Variants in MPPE1 observed in about 807,000 individuals in gnomAD.
The protein encoded by MPPE1 is metallophosphoesterase 1, also known as metallo phosphoesterase.
In MPPE1, 28 loss-of-function variants were observed where a neutral mutation model predicts 43.8. The ratio of observed to expected loss-of-function variants is 0.64; its 90% confidence interval spans 0.47 to 0.88. The LOEUF (loss-of-function observed/expected upper bound fraction) is 0.88. Ranked by LOEUF, MPPE1 falls within the 40% of genes least tolerant of loss-of-function variation. The probability of loss-of-function intolerance (pLI) is 0.00; values close to 1 mark genes in which losing one functional copy is unlikely to be tolerated. For synonymous variants in MPPE1, 159 were observed against 188.5 expected, an observed-to-expected ratio of 0.84 and a Z score of 1.28; for missense variants, 428 against 492.2, an observed-to-expected ratio of 0.87 and a Z score of 1.23.
chr18:11,907,860 C>T (rs1417842555), intron 1 of MPPE1: 2 of 151,894 alleles, frequency 1.3e-5, no homozygotes, highest in African/African-American at 4.8e-5. Context: ...ATCTAATCCC[C>T]CCAAAATATG....
Position 11,885,805 on chromosome 18 carries a change from C to G in MPPE1, c.879G>C (p.Trp293Cys), listed in dbSNP as rs777338026. The G allele has an allele frequency of 6.2e-7, 1 of 1,608,356 alleles. No individual in the cohort carries two copies. Among genetic ancestry groups the G allele is most frequent in the East Asian group, 2.2e-5 (1 of 44,736 alleles). ...CACTGAGAACCAGGCGCGGCTGGAG[C>G]CACCACAGCAGCTGACAGTGGCCGA... ...SREASQKLLW[W>C]LQPRLVLSGH... The change falls in exon 10 of 11, where the codon TGG (tryptophan) becomes TGC (cysteine). Residue 293 changes from tryptophan to cysteine, a missense_variant. This residue lies in a region of MPPE1 where 379 missense variants were observed against 402.5 expected (regional missense o/e 0.94). Coordinates refer to ENST00000588072, the MANE Select transcript of MPPE1 (RefSeq NM_023075.6).
rs781328723 is a variant in MPPE1 at position 11,886,645 on chromosome 18, T to C, written c.745-24A>G. The C allele has an allele frequency of 1.8e-5, 29 of 1,613,926 alleles. No homozygotes were observed. Among genetic ancestry groups the C allele is most frequent in the African/African-American group, 2.7e-5 (2 of 74,884 alleles). ...TGCTGTCCGGGGTGGAGAGAGGAGT[T>C]CAGGCGGCTATCGTGAAACCACAGG... On this transcript the variant is annotated intron_variant, in intron 8 of 10. Coordinates refer to ENST00000588072, the MANE Select transcript of MPPE1 (RefSeq NM_023075.6). The surrounding 1 kb of genome is among the most constrained non-coding windows in gnomAD (Gnocchi z 4.1).
chr18:11,904,159 A>G (rs1261444640), intron 2 of MPPE1, among the ~76,000 whole-genome samples: 2 of 146,976 alleles, frequency 1.4e-5, no homozygotes, highest in African/African-American at 2.4e-5. Flanking sequence ...AGGAAGGAGG[A>G]CAGTAGAAAA....
At position 11,897,121 on chromosome 18, in the gene MPPE1, C is replaced by T; in HGVS notation, c.144G>A (p.Gln48=). The change falls in exon 3 of 11, where the codon CAG becomes CAA. Residue 48 remains glutamine (Q), a synonymous_variant. Coordinates refer to ENST00000588072, the MANE Select transcript of MPPE1 (RefSeq NM_023075.6). Reference sequence around the variant, plus strand: ...TGGTTTTCACTTCAGGCCAATTACACTGAAAGATCGCTAAGTAATAGATTA... The same window carrying T: ...TGGTTTTCACTTCAGGCCAATTACATTGAAAGATCGCTAAGTAATAGATTA... ...EFLIYYLAIF[Q]CNWPEVKTTA... 1 of 1,468,216 alleles carries T rather than the reference C, an allele frequency of 6.8e-7. No homozygotes were observed. The highest frequency in any genetic ancestry group is 9.4e-7 in the Non-Finnish European group (1 of 1,058,496). The allele number at this position is 1,468,216 out of a possible 1,614,324, so 90.9% of individuals were successfully genotyped here. A position where few individuals can be genotyped will look rare whatever the true frequency, so the allele number is the denominator to read the frequency against.
intron 4 of MPPE1, among the ~76,000 whole-genome samples, chr18:11,890,123 T>C (rs1010210457): frequency 4.6e-5 from 7 of 151,112 alleles, no homozygotes; most frequent in Non-Finnish European, 1.0e-4. Flanking sequence ...TTTGTATTTT[T>C]AGTAGAGACG....
At chr18:11,890,093 C>T (rs1457833203) in intron 4 of MPPE1, among the ~76,000 whole-genome samples, 2 of 151,646 alleles carry the variant, frequency 1.3e-5, no homozygotes, top group East Asian at 2.0e-4. Flanking sequence ...CAGGCGCCCG[C>T]CACCACGCCC....
chr18:11,886,384 A>G lies in MPPE1; in HGVS notation c.867+115T>C, dbSNP rs2037249689. ...ACCCCTGTCCCCCCAGGTGATAACTAAGTCATGAACGTTTCAGCAAACACC... is the reference window on the plus strand; with the variant it reads ...ACCCCTGTCCCCCCAGGTGATAACTGAGTCATGAACGTTTCAGCAAACACC... On this transcript the variant is annotated intron_variant, in intron 9 of 10. Transcript: ENST00000588072. This position sits in a 1 kb window ranked among gnomAD's most constrained non-coding sequence, Gnocchi z 4.1. 1.3e-5 allele frequency: 19 copies of G among 1,439,844 alleles called. No homozygotes were observed. Among genetic ancestry groups the G allele is most frequent in the Non-Finnish European group, 1.8e-5 (19 of 1,033,280 alleles). 89.2% of individuals were successfully genotyped at this position (1,439,844 alleles called of 1,614,324 possible). A position where few individuals can be genotyped will look rare whatever the true frequency, so the allele number is the denominator to read the frequency against.
In MPPE1 at chr18:11,884,452, G is replaced by T. The variant is rs148471755; in HGVS notation, c.1184C>A (p.Thr395Lys). ...SGLNLLGKRK[T>K]R Reference sequence around the variant, plus strand: ...TATAATGGCGCCTGCTCTTCATCTTGTCTTACGCTTTCCGAGCAAGTTCAA... The same window carrying T: ...TATAATGGCGCCTGCTCTTCATCTTTTCTTACGCTTTCCGAGCAAGTTCAA... Residue 395 changes from threonine to lysine, a missense_variant, in exon 11 of 11, where the codon ACA (threonine) becomes AAA (lysine). This residue lies in a region of MPPE1 where 379 missense variants were observed against 402.5 expected (regional missense o/e 0.94). Transcript: ENST00000588072. The T allele has an allele frequency of 6.0e-5, 97 of 1,613,734 alleles. No homozygotes were observed. Among genetic ancestry groups the T allele is most frequent in the Non-Finnish European group, 7.9e-5 (93 of 1,179,880 alleles).
chr18:11,903,266 C>T (rs1056139682), intron 2 of MPPE1, among the ~76,000 whole-genome samples: 1 of 152,174 alleles, frequency 6.6e-6, no homozygotes, highest in Non-Finnish European at 1.5e-5. Context: ...AGAGGGGCAA[C>T]TTCCTGGGCA....
At chr18:11,898,764 A>G (rs995465519) in intron 2 of MPPE1, among the ~76,000 whole-genome samples, 1 of 152,082 alleles carries the variant, frequency 6.6e-6, no homozygotes, top group African/African-American at 2.4e-5. Context: ...CCACATCCCT[A>G]TGATTTCATT....
intron 6 of MPPE1, 35 bp from the exon 7 acceptor site, chr18:11,887,060 G>T: frequency 1.4e-6 from 2 of 1,475,358 alleles, no homozygotes; most frequent in South Asian, 1.2e-5. Flanking sequence ...AGGCCGCTGG[G>T]GGTATCAGTG....
At chr18:11,906,690 T>C (rs887943130) in intron 1 of MPPE1, among the ~76,000 whole-genome samples, 3 of 151,836 alleles carry the variant, frequency 2.0e-5, no homozygotes, top group African/African-American at 7.3e-5. Flanking sequence ...ACCCCGTCTC[T>C]ACTAAAAATA....
intron 10 of MPPE1, 165 bp downstream of exon 10, chr18:11,885,511 G>C: frequency 1.3e-6 from 1 of 784,452 alleles, no homozygotes; most frequent in Non-Finnish European, 2.0e-6. Context: ...TTGGTTCCCG[G>C]AAGGGTGTTT....
chr18:11,893,558 T>C lies in MPPE1; in HGVS notation c.300A>G (p.Arg100=). 3 of 1,614,090 alleles carry C rather than the reference T, an allele frequency of 1.9e-6. No individual in the cohort carries two copies. The highest frequency in any genetic ancestry group is 2.5e-6 in the Non-Finnish European group (3 of 1,179,956). The change falls in exon 4 of 11, where the codon AGA becomes AGG. Residue 100 remains arginine, a synonymous_variant. Coordinates refer to ENST00000588072, the MANE Select transcript of MPPE1 (RefSeq NM_023075.6). The part of the protein sequence containing the change: ...DKLRREWQME[R]AFQTALWLLQ... ...GCAACCACAGAGCTGTCTGGAACGC[T>C]CTCTCCATCTGCCATTCCCTTGATG...
intron 4 of MPPE1, among the ~76,000 whole-genome samples, chr18:11,892,614 A>G (rs1430803079): frequency 6.6e-6 from 1 of 151,620 alleles, no homozygotes; most frequent in African/African-American, 2.4e-5. Context: ...CAGAGGTTGC[A>G]GTGAGCTGAG....
Position 11,882,637 on chromosome 18 carries a change from G to A in MPPE1, c.*1808C>T, listed in dbSNP as rs1178681096. 1 of 149,506 alleles carries A rather than the reference G, an allele frequency of 6.7e-6. No individual in the cohort carries two copies. The highest frequency in any genetic ancestry group is 2.5e-5 in the African/African-American group (1 of 40,194). The allele number at this position is 149,506 out of a possible 1,614,324, so 9.3% of individuals were successfully genotyped here. ...GGAGGTGGAGATTGCAGTGAGCCGA[G>A]GTCGTGCCATCGCACTCCAGCCTGG... On this transcript the variant is annotated 3_prime_UTR_variant, in exon 11 of 11. Coordinates refer to ENST00000588072, the MANE Select transcript of MPPE1 (RefSeq NM_023075.6).
rs1240784171 is a variant in MPPE1 at position 11,889,390 on chromosome 18, T to C, written c.491A>G (p.Tyr164Cys). ...AGGGCTTTTGTGAACTACTTACTCA[T>C]AATGGAAGCCAATGTCATGGTTTCC... Reference protein sequence around the residue: ...VAGNHDIGFHYEMNTYKVERF... With the variant: ...VAGNHDIGFHCEMNTYKVERF... The change falls in exon 5 of 11, where the codon TAT (tyrosine) becomes TGT (cysteine). Residue 164 changes from tyrosine (Y) to cysteine (C), a missense_variant. This residue lies in a region of MPPE1 where 379 missense variants were observed against 402.5 expected (regional missense o/e 0.94). Coordinates refer to ENST00000588072, the MANE Select transcript of MPPE1 (RefSeq NM_023075.6). 6.2e-7 allele frequency: 1 copy of C among 1,605,768 alleles called. No homozygotes were observed. Among genetic ancestry groups the C allele is most frequent in the South Asian group, 1.1e-5 (1 of 90,556 alleles).
chr18:11,889,890 G>A (rs1440780748), intron 4 of MPPE1, among the ~76,000 whole-genome samples: 2 of 150,362 alleles, frequency 1.3e-5, no homozygotes, highest in East Asian at 2.0e-4. Context: ...CTATTTTGAT[G>A]TGAGAAGTGA....
chr18:11,906,980 A>G (rs1224458134), intron 1 of MPPE1, among the ~76,000 whole-genome samples: 1 of 152,152 alleles, frequency 6.6e-6, no homozygotes, highest in East Asian at 1.9e-4. Context: ...AAGACCCCTC[A>G]ACCATCTGCA....
Sources: allele counts gnomAD v4.1 joint callset (sites outside exome capture counted in the v4.1 genomes callset), GRCh38; gene constraint gnomAD v4.1.1; regional missense constraint gnomAD v4.1.1; non-coding constraint Gnocchi (gnomAD v3.1); transcripts MANE v1.5; gene names NCBI Gene and HGNC (gene_info 2026-07-23, HGNC 2026-07-21).